Variants in ASCC3 observed in about 807,000 individuals in gnomAD.
ASCC3 encodes the protein activating signal cointegrator 1 complex subunit 3.
Under a neutral mutation model 256.3 loss-of-function variants are expected in ASCC3, and 158 were observed. The ratio of observed to expected loss-of-function variants is 0.62; its 90% CI spans 0.54 to 0.70. The LOEUF is 0.70. Ranked by LOEUF, ASCC3 falls within the 30% of genes least tolerant of loss-of-function variation. The pLI, the probability that ASCC3 is intolerant of heterozygous loss-of-function variation, is 0.00. For synonymous variants in ASCC3, 948 were observed against 883.4 expected (o/e 1.07, Z -1.30); for missense variants, 2,259 against 2,626.0 (o/e 0.86, Z 3.05).
intron 3 of ASCC3, among the ~76,000 whole-genome samples, chr6:100,860,724 A>G (rs1470692606): frequency 1.3e-5 from 2 of 152,094 alleles, no homozygotes; most frequent in Non-Finnish European, 2.9e-5. Context: ...AGTACTCTAA[A>G]TAAGTATGTA....
intron 37 of ASCC3, among the ~76,000 whole-genome samples, chr6:100,536,603 C>G (rs1203670164): frequency 6.6e-6 from 1 of 152,016 alleles, no homozygotes; most frequent in Non-Finnish European, 1.5e-5. Flanking sequence ...CACCTTGGCA[C>G]CCCCTACCAT....
intron 3 of ASCC3, chr6:100,857,575 T>C (rs1773010471): frequency 6.6e-6 from 1 of 151,962 alleles, no homozygotes; most frequent in South Asian, 2.1e-4. Context: ...CATCTGTATA[T>C]GCAGTTGACC....
intron 14 of ASCC3, among the ~76,000 whole-genome samples, chr6:100,679,160 G>A (rs182893572): frequency 2.7e-5 from 4 of 150,200 alleles, no homozygotes; most frequent in East Asian, 2.0e-4. Context: ...TGTGTACACT[G>A]AGTAACAAGC....
chr6:100,578,754 A>G (rs1017236155), intron 36 of ASCC3, among the ~76,000 whole-genome samples: 5 of 152,140 alleles, frequency 3.3e-5, no homozygotes, highest in Non-Finnish European at 5.9e-5. Flanking sequence ...TTACGGCAGA[A>G]CAATTTTTAT....
At position 100,644,142 on chromosome 6, in the gene ASCC3, T is replaced by C. The variant is rs771462719; in HGVS notation, c.3634-13A>G. On this transcript the variant is annotated splice_polypyrimidine_tract_variant and intron_variant, in intron 22 of 41. Transcript: ENST00000369162. ...CTGTCCCATGTACCTAGAAGAAAAA[T>C]AGCATCCTGCTACTATGCATATCAT... is the stretch of plus-strand genomic sequence containing the variant. 4.5e-5 allele frequency: 70 copies of C among 1,560,968 alleles called. No homozygotes were observed. The highest frequency in any genetic ancestry group is 5.8e-5 in the Non-Finnish European group (66 of 1,132,386).
intron 8 of ASCC3, among the ~76,000 whole-genome samples, chr6:100,773,111 T>C (rs543322823): frequency 2.0e-5 from 3 of 152,164 alleles, no homozygotes; most frequent in African/African-American, 7.2e-5. Flanking sequence ...CACACAACTA[T>C]AAATGGTAGA....
At chr6:100,663,957 C>A (rs955500838) in intron 14 of ASCC3, among the ~76,000 whole-genome samples, 1 of 152,036 alleles carries the variant, frequency 6.6e-6, no homozygotes, top group Non-Finnish European at 1.5e-5. Context: ...AATGTTACTT[C>A]TGGTTCTGTT....
At chr6:100,656,394 G>T (rs1427530918) in intron 16 of ASCC3, among the ~76,000 whole-genome samples, 2 of 151,506 alleles carry the variant, frequency 1.3e-5, no homozygotes, top group African/African-American at 2.4e-5. Flanking sequence ...AAACAAAGCA[G>T]ATTTTGTTGT....
At chr6:100,549,591 C>T (rs1405266106) in intron 36 of ASCC3, among the ~76,000 whole-genome samples, 1 of 151,828 alleles carries the variant, frequency 6.6e-6, no homozygotes, top group African/African-American at 2.4e-5. Context: ...CTGTTACCTG[C>T]TGACTGACTC....
At chr6:100,855,127 TTTTA>T (rs1479165138) in intron 3 of ASCC3, among the ~76,000 whole-genome samples, 1 of 152,086 alleles carries the variant, frequency 6.6e-6, no homozygotes, top group African/African-American at 2.4e-5. Flanking sequence ...TTTTTTTCTT[TTTTA>T]GAGACAGGGT....
At chr6:100,569,080 C>T (rs1770444445) in intron 36 of ASCC3, among the ~76,000 whole-genome samples, 1 of 151,984 alleles carries the variant, frequency 6.6e-6, no homozygotes, top group South Asian at 2.1e-4. Context: ...ATGGGGTTCC[C>T]CAGGTTTTCT....
At chr6:100,812,772 A>C (rs1182117481) in intron 4 of ASCC3, among the ~76,000 whole-genome samples, 1 of 152,276 alleles carries the variant, frequency 6.6e-6, no homozygotes, top group East Asian at 1.9e-4. Context: ...TCTCCAAAAA[A>C]TAAAAGAATT....
chr6:100,655,773 T>A lies in ASCC3; in HGVS notation c.2749A>T (p.Ile917Leu). 5 of 1,611,876 alleles carry A rather than the reference T, an allele frequency of 3.1e-6. No individual in the cohort carries two copies. Among genetic ancestry groups the A allele is most frequent in the East Asian group, 2.2e-5 (1 of 44,754 alleles). The change falls in exon 17 of 42, where the codon ATA becomes TTA. Residue 917 changes from isoleucine to leucine, a missense_variant. This residue lies in a region of ASCC3 where 1,839 missense variants were observed against 2,206.7 expected (regional missense o/e 0.83). Transcript: ENST00000369162. ...VTNVEEAVKW[I>L]SYTYLYVRMR... ...CGTACATAAAGATAAGTGTAACTTA[T>A]CCACTTCACTGCTTCTTCCACATTA...
intron 10 of ASCC3, among the ~76,000 whole-genome samples, chr6:100,757,272 C>G (rs1562275373): frequency 6.6e-6 from 1 of 151,098 alleles, no homozygotes; most frequent in African/African-American, 2.4e-5. Flanking sequence ...ACACACACCA[C>G]CAACAACAAC....
chr6:100,855,363 C>A lies in ASCC3; in HGVS notation c.242-6656G>T, dbSNP rs140061876. Among the ~76,000 whole-genome samples the A allele has an allele frequency of 0.013, 1,915 of 152,272 alleles. 94 individuals are homozygous for A. The East Asian group carries it at 0.14, about 11-fold the overall frequency. On this transcript the variant is annotated intron_variant, in intron 3 of 41. Coordinates refer to ENST00000369162, the MANE Select transcript of ASCC3 (RefSeq NM_006828.4). ...AACTCCTGAGCTCAAGCAATCCACC[C>A]GCCTTGGCCTCCCAAAATTCTGGGA...
intron 13 of ASCC3, among the ~76,000 whole-genome samples, chr6:100,705,576 G>A (rs1778540199): frequency 4.0e-5 from 6 of 151,890 alleles, no homozygotes; most frequent in Admixed American, 3.9e-4. Flanking sequence ...AACCAAACCA[G>A]GGAGAAATCC....
rs1308578185 is a variant in ASCC3 at position 100,512,771 on chromosome 6, G to T, written c.6223C>A (p.His2075Asn). 4 of 1,613,992 alleles carry T rather than the reference G, an allele frequency of 2.5e-6. No individual in the cohort carries two copies. The highest frequency in any genetic ancestry group is 3.4e-6 in the Non-Finnish European group (4 of 1,180,010). The change falls in exon 40 of 42, where the codon CAT (histidine) becomes AAT (asparagine). Residue 2075 changes from histidine (H) to asparagine (N), a missense_variant. By Grantham distance (68) the His-to-Asn change is moderately conservative. Transcript: ENST00000369162. ...TGAAGCACATACTCTTGGTCAGCAT[G>T]CAATTTGATCCATTTGTTGTCATCT... ...KRDDNKWIKL[H>N]ADQEYVLQVS... is the part of the protein sequence containing the mutation.
At chr6:100,841,985 T>C (rs569611740) in intron 4 of ASCC3, among the ~76,000 whole-genome samples, 2 of 152,298 alleles carry the variant, frequency 1.3e-5, no homozygotes, top group Admixed American at 1.3e-4. Context: ...AGAAATTCCA[T>C]GATTCTAAAC....
chr6:100,615,345 T>C (rs1773615598), intron 30 of ASCC3, among the ~76,000 whole-genome samples: 1 of 152,096 alleles, frequency 6.6e-6, no homozygotes, highest in Non-Finnish European at 1.5e-5. Context: ...ACCATGACTT[T>C]TCCATCTTTT....
Sources: gnomAD v4.1 joint callset for allele counts (sites outside exome capture counted in the v4.1 genomes callset) on GRCh38, gnomAD v4.1.1 for gene constraint, gnomAD v4.1.1 regional missense constraint, MANE v1.5 for transcripts, NCBI Gene and HGNC (gene_info 2026-07-23, HGNC 2026-07-21) for gene names.